Variants in ANKRD33B observed in about 807,000 individuals in gnomAD.
ANKRD33B encodes the protein ankyrin repeat domain 33B, also known as ankyrin repeat domain-containing protein 33B.
Under a neutral mutation model 21.5 loss-of-function variants are expected in ANKRD33B, and 6 were observed. The ratio of observed to expected loss-of-function variants is 0.28; its 90% CI spans 0.15 to 0.55. The LOEUF is 0.55. Ranked by LOEUF, ANKRD33B falls within the 20% of genes least tolerant of loss-of-function variation. The probability of loss-of-function intolerance (pLI) is 0.94; values close to 1 mark genes in which losing one functional copy is unlikely to be tolerated. For synonymous variants in ANKRD33B, 347 were observed against 342.4 expected (o/e 1.01, Z -0.15); for missense variants, 698 against 747.2 (o/e 0.93, Z 0.77).
chr5:10,579,009 C>G (rs1330802271), intron 1 of ANKRD33B, among the ~76,000 whole-genome samples: 2 of 151,882 alleles, frequency 1.3e-5, no homozygotes, highest in Non-Finnish European at 2.9e-5. Context: ...ACAAAAAATA[C>G]AAAAGTTTTC....
At position 10,655,953 on chromosome 5, in the gene ANKRD33B, A is replaced by G. The variant is rs1346919618; in HGVS notation, c.*5840A>G. 3 of 152,372 alleles carry G rather than the reference A, an allele frequency of 2.0e-5. No individual in the cohort carries two copies. The highest frequency in any genetic ancestry group is 6.5e-5 in the Admixed American group (1 of 15,288). 9.4% of individuals were successfully genotyped at this position (152,372 alleles called of 1,614,324 possible). ...GACCCTGACCATGACAGATCTTTCT[A>G]AAACAATAAAGTCCCATTGATGACA... On this transcript the variant is annotated 3_prime_UTR_variant, in exon 4 of 4. Transcript: ENST00000296657.
chr5:10,589,391 A>G (rs1735636972), intron 1 of ANKRD33B, among the ~76,000 whole-genome samples: 1 of 152,188 alleles, frequency 6.6e-6, no homozygotes, highest in Non-Finnish European at 1.5e-5. Flanking sequence ...TGACTACACC[A>G]AGCCTCACCA....
chr5:10,565,073 C>G (rs1735018115), intron 1 of ANKRD33B, among the ~76,000 whole-genome samples: 1 of 152,240 alleles, frequency 6.6e-6, no homozygotes, highest in Non-Finnish European at 1.5e-5. Flanking sequence ...GCAGAAACGC[C>G]AGTCCGGCGT....
rs11433872 is a variant in ANKRD33B at position 10,571,892 on chromosome 5, C to CTT, written c.366+7071_366+7072dup. ...ATAAGGCATCCGTATTTTCTTTTTTCTTTTTTTTTTTTTGAGACGGAGTTT... is the reference window on the plus strand; with the variant it reads ...ATAAGGCATCCGTATTTTCTTTTTTCTTTTTTTTTTTTTTTGAGACGGAGTTT... On this transcript the variant is annotated intron_variant, in intron 1 of 3. Coordinates refer to ENST00000296657, the MANE Select transcript of ANKRD33B (RefSeq NM_001164440.2). Among the ~76,000 whole-genome samples, 185 of 144,226 alleles carry CTT rather than the reference C, an allele frequency of 1.3e-3. 2 individuals carry two copies. The highest frequency in any genetic ancestry group is 1.7e-3 in the Admixed American group (24 of 14,512). 94.6% of individuals were successfully genotyped at this position (144,226 alleles called of 152,430 possible).
At position 10,649,619 on chromosome 5, in the gene ANKRD33B, A is replaced by G. The variant is rs1202693998; in HGVS notation, c.991A>G (p.Ser331Gly). The change falls in exon 4 of 4, where the codon AGC (serine) becomes GGC (glycine). Residue 331 changes from serine to glycine, a missense_variant. Physicochemically the swap from Ser to Gly is moderately conservative, Grantham distance 56 (BLOSUM62 0). This residue lies in a region of ANKRD33B where 543 missense variants were observed against 566.5 expected (regional missense o/e 0.96). Transcript: ENST00000296657. The stretch of plus-strand genomic sequence containing the variant: ...CGTGTGCCAGACCGTGTGCCCTGAG[A>G]GCCCTCCGAGCGTGGGGAAGAGGCG... Reference protein sequence around the residue: ...AIVCQTVCPESPPSVGKRRLA... With the variant: ...AIVCQTVCPEGPPSVGKRRLA... 1 of 1,530,998 alleles carries G rather than the reference A, an allele frequency of 6.5e-7. No individual in the cohort carries two copies. Among genetic ancestry groups the G allele is most frequent in the Admixed American group, 2.0e-5 (1 of 50,822 alleles). 94.8% of individuals were successfully genotyped at this position (1,530,998 alleles called of 1,614,324 possible).
At chr5:10,605,836 T>C (rs1045995536) in intron 1 of ANKRD33B, among the ~76,000 whole-genome samples, 4 of 152,088 alleles carry the variant, frequency 2.6e-5, no homozygotes. Flanking sequence ...GCTGAGTGAG[T>C]TTCTGTGTTC....
chr5:10,606,999 G>A (rs1324592007), intron 1 of ANKRD33B, among the ~76,000 whole-genome samples: 2 of 151,990 alleles, frequency 1.3e-5, no homozygotes, highest in Non-Finnish European at 2.9e-5. Flanking sequence ...CCAAAGTGTT[G>A]GGGTTACAGG....
intron 1 of ANKRD33B, among the ~76,000 whole-genome samples, chr5:10,572,140 C>T (rs1022264913): frequency 5.3e-5 from 8 of 152,182 alleles, no homozygotes; most frequent in Admixed American, 1.3e-4. Context: ...CTGCCCACCT[C>T]GGCCTCCCAA....
chr5:10,580,171 T>C (rs1330648815), intron 1 of ANKRD33B, among the ~76,000 whole-genome samples: 1 of 152,226 alleles, frequency 6.6e-6, no homozygotes, highest in East Asian at 1.9e-4. Context: ...GCAAGACATA[T>C]GTGGGTTCTA....
intron 1 of ANKRD33B, among the ~76,000 whole-genome samples, chr5:10,610,182 G>A (rs1736133575): frequency 6.6e-6 from 1 of 152,244 alleles, no homozygotes; most frequent in Admixed American, 6.5e-5. Flanking sequence ...ACCCATGAGT[G>A]GTGGAGTTGA....
intron 1 of ANKRD33B, among the ~76,000 whole-genome samples, chr5:10,577,189 G>A (rs1307565288): frequency 2.6e-5 from 4 of 151,560 alleles, no homozygotes; most frequent in Admixed American, 6.6e-5. Flanking sequence ...GAGTGCAATG[G>A]CACAATCTCA....
At chr5:10,607,531 A>G (rs1053179671) in intron 1 of ANKRD33B, among the ~76,000 whole-genome samples, 3 of 152,272 alleles carry the variant, frequency 2.0e-5, no homozygotes, top group African/African-American at 7.2e-5. Context: ...GGCAGGAAGA[A>G]ATAGATAACG....
At position 10,650,351 on chromosome 5, in the gene ANKRD33B, C is replaced by T. The variant is rs1001714099; in HGVS notation, c.*238C>T. 5 of 352,032 alleles carry T rather than the reference C, an allele frequency of 1.4e-5. No homozygotes were observed. Among genetic ancestry groups the T allele is most frequent in the Admixed American group, 4.8e-5 (1 of 20,788 alleles). The allele number at this position is 352,032 out of a possible 1,614,324, so 21.8% of individuals were successfully genotyped here. On this transcript the variant is annotated 3_prime_UTR_variant, in exon 4 of 4. Transcript: ENST00000296657. Reference sequence around the variant, plus strand: ...TCAGTACACCTAGCGGGCACGTTGCCTAAAAGGCTCCCTTTAGAGAACCTC... The same window carrying T: ...TCAGTACACCTAGCGGGCACGTTGCTTAAAAGGCTCCCTTTAGAGAACCTC...
intron 1 of ANKRD33B, among the ~76,000 whole-genome samples, chr5:10,572,646 C>T (rs573295947): frequency 1.3e-5 from 2 of 152,216 alleles, no homozygotes; most frequent in African/African-American, 2.4e-5. Flanking sequence ...GTCAGGCAGC[C>T]CCGTCTGGGC....
intron 1 of ANKRD33B, among the ~76,000 whole-genome samples, chr5:10,566,705 T>C (rs1305381033): frequency 6.6e-6 from 1 of 152,214 alleles, no homozygotes; most frequent in East Asian, 1.9e-4. Flanking sequence ...CCTAACAGAC[T>C]GAGTCTCCAG....
At position 10,652,853 on chromosome 5, in the gene ANKRD33B, C is replaced by A. The variant is rs996234200; in HGVS notation, c.*2740C>A. The A allele has an allele frequency of 3.7e-6, 1 of 269,506 alleles. No homozygotes were observed. Among genetic ancestry groups the A allele is most frequent in the Admixed American group, 4.0e-5 (1 of 25,304 alleles). 16.7% of individuals were successfully genotyped at this position (269,506 alleles called of 1,614,324 possible). On this transcript the variant is annotated 3_prime_UTR_variant, in exon 4 of 4. Transcript: ENST00000296657. The surrounding 1 kb of genome is among the most constrained non-coding windows in gnomAD (Gnocchi z 4.1). The stretch of plus-strand genomic sequence containing the variant: ...TGTCCACAAAACAGCTCTAGAGATA[C>A]CTGCATTTTGAAAAGCCTGCTGAGC...
intron 1 of ANKRD33B, among the ~76,000 whole-genome samples, chr5:10,584,768 A>C (rs11746621): frequency 0.064 from 9,773 of 152,278 alleles, 413 homozygotes; most frequent in Middle Eastern, 0.1. Context: ...GGGGGTGAGA[A>C]ACAATAACAA....
rs906439368 is a variant in ANKRD33B at position 10,650,645 on chromosome 5, G to A, written c.*532G>A. On this transcript the variant is annotated 3_prime_UTR_variant, in exon 4 of 4. Transcript: ENST00000296657. ...GTCTTTTCTCCTCATCGTGGGTGTA[G>A]GTGCACACTGGATGTTCTTAGTCAT... is the stretch of plus-strand genomic sequence containing the variant. 1 of 152,352 alleles carries A rather than the reference G, an allele frequency of 6.6e-6. No individual in the cohort carries two copies. The highest frequency in any genetic ancestry group is 1.5e-5 in the Non-Finnish European group (1 of 68,046). 9.4% of individuals were successfully genotyped at this position (152,352 alleles called of 1,614,324 possible).
rs1382763080 is a variant in ANKRD33B, at chr5:10,655,193, C to A, written c.*5080C>A. 6.6e-6 allele frequency: 1 copy of A among 152,338 alleles called. No homozygotes were observed. The allele number at this position is 152,338 out of a possible 1,614,324, so 9.4% of individuals were successfully genotyped here. A position where few individuals can be genotyped will look rare whatever the true frequency, so the allele number is the denominator to read the frequency against. Reference sequence around the variant, plus strand: ...TGCCCGCTTCTCTCCCTGCTGTTGGCGGTGACCAGGTCTCAGGAGCGGAGA... The same window carrying A: ...TGCCCGCTTCTCTCCCTGCTGTTGGAGGTGACCAGGTCTCAGGAGCGGAGA... On this transcript the variant is annotated 3_prime_UTR_variant, in exon 4 of 4. Coordinates refer to ENST00000296657, the MANE Select transcript of ANKRD33B (RefSeq NM_001164440.2).
Sources: gnomAD v4.1 joint callset for allele counts (sites outside exome capture counted in the v4.1 genomes callset) on GRCh38, gnomAD v4.1.1 for gene constraint, gnomAD v4.1.1 regional missense constraint, Gnocchi (gnomAD v3.1) non-coding constraint, MANE v1.5 for transcripts, NCBI Gene and HGNC (gene_info 2026-07-23, HGNC 2026-07-21) for gene names.